OR10T2: variants seen among roughly 807,000 people sequenced by gnomAD.
The protein encoded by OR10T2 is olfactory receptor 10T2.
For missense variants in OR10T2, 416 were observed against 372.3 expected, an observed-to-expected ratio of 1.12 and a Z score of -0.97; for synonymous variants, 162 against 144.1, an observed-to-expected ratio of 1.12 and a Z score of -0.89.
Position 158,399,090 on chromosome 1 carries a change from G to T in OR10T2, c.377C>A (p.Ala126Glu). ...TGTGTACCTCAGAGGGTGACAAATT[G>T]CTACATAGCGATCATATCCCATCAC... The part of the protein sequence containing the change: ...IAVMGYDRYV[A>E]ICHPLRYTLI... The change falls in exon 1 of 1, where the codon GCA becomes GAA. Residue 126 changes from alanine (A) to glutamate (E), a missense_variant. By Grantham distance (107) the Ala-to-Glu change is moderately radical. Coordinates refer to ENST00000334438, the MANE Select transcript of OR10T2 (RefSeq NM_001004475.1). The T allele has an allele frequency of 6.2e-7, 1 of 1,614,100 alleles. No homozygotes were observed. Among genetic ancestry groups the T allele is most frequent in the Non-Finnish European group, 8.5e-7 (1 of 1,180,014 alleles).
At position 158,399,114 on chromosome 1, in the gene OR10T2, A is replaced by C. The variant is rs1426185713; in HGVS notation, c.353T>G (p.Val118Gly). Residue 118 changes from valine (V) to glycine (G), a missense_variant, in exon 1 of 1, where the codon GTG (valine) becomes GGG (glycine). Transcript: ENST00000334438. The part of the protein sequence containing the change: ...FACTNCLLIA[V>G]MGYDRYVAIC... ...TGCTACATAGCGATCATATCCCATCACAGCAATGAGGAGGCAGTTGGTGCA... is the reference window on the plus strand; with the variant it reads ...TGCTACATAGCGATCATATCCCATCCCAGCAATGAGGAGGCAGTTGGTGCA... The C allele has an allele frequency of 1.2e-6, 2 of 1,614,190 alleles. No individual in the cohort carries two copies. The highest frequency in any genetic ancestry group is 1.7e-6 in the Non-Finnish European group (2 of 1,180,028).
chr1:158,398,932 A>T lies in OR10T2; in HGVS notation c.535T>A (p.Phe179Ile). 1 of 1,614,026 alleles carries T rather than the reference A, an allele frequency of 6.2e-7. No homozygotes were observed. ...FCGPNRVNHY[F>I]CDMAPVIKLA... The stretch of plus-strand genomic sequence containing the variant: ...TTGATAACAGGTGCCATGTCACAGA[A>T]ATAGTGGTTAACCCTGTTGGGGCCA... The change falls in exon 1 of 1, where the codon TTC becomes ATC. Residue 179 changes from phenylalanine (F) to isoleucine (I), a missense_variant. Phe to Ile is a conservative substitution (Grantham distance 21). Transcript: ENST00000334438.
chr1:158,399,438 A>T lies in OR10T2; in HGVS notation c.29T>A (p.Val10Asp), dbSNP rs1654751557. 6.2e-7 allele frequency: 1 copy of T among 1,608,878 alleles called. No individual in the cohort carries two copies. The highest frequency in any genetic ancestry group is 1.3e-5 in the African/African-American group (1 of 74,794). The part of the protein sequence containing the change: MRGFNKTTV[V>D]TQFILVGFSS... ...GAAACCCACCAGGATGAACTGTGTA[A>T]CCACAGTGGTTTTGTTGAAACCTCG... The change falls in exon 1 of 1, where the codon GTT becomes GAT. Residue 10 changes from valine to aspartate, a missense_variant. Physicochemically the swap from Val to Asp is radical, Grantham distance 152. Transcript: ENST00000334438.
chr1:158,399,099 C>T lies in OR10T2; in HGVS notation c.368G>A (p.Arg123His), dbSNP rs772691278. 22 of 1,613,942 alleles carry T rather than the reference C, an allele frequency of 1.4e-5. No homozygotes were observed. Among genetic ancestry groups the T allele is most frequent in the African/African-American group, 2.7e-5 (2 of 74,884 alleles). Reference sequence around the variant, plus strand: ...CAGAGGGTGACAAATTGCTACATAGCGATCATATCCCATCACAGCAATGAG... The same window carrying T: ...CAGAGGGTGACAAATTGCTACATAGTGATCATATCCCATCACAGCAATGAG... ...CLLIAVMGYD[R>H]YVAICHPLRY... is the part of the protein sequence containing the mutation. The change falls in exon 1 of 1, where the codon CGC (arginine) becomes CAC (histidine). Residue 123 changes from arginine (R) to histidine (H), a missense_variant. Coordinates refer to ENST00000334438, the MANE Select transcript of OR10T2 (RefSeq NM_001004475.1).
Position 158,399,334 on chromosome 1 carries a change from T to C in OR10T2, c.133A>G (p.Thr45Ala), listed in dbSNP as rs774737867. The change falls in exon 1 of 1, where the codon ACC becomes GCC. Residue 45 changes from threonine to alanine, a missense_variant. Thr to Ala is a moderately conservative substitution (Grantham distance 58). Transcript: ENST00000334438. ...LYLTILVANV[T>A]IMAVIRFSWT... ...CTGAAGCGAATAACGGCCATGATGGTCACATTGGCCACCAGGATTGTCAAG... is the reference window on the plus strand; with the variant it reads ...CTGAAGCGAATAACGGCCATGATGGCCACATTGGCCACCAGGATTGTCAAG... The C allele has an allele frequency of 6.2e-7, 1 of 1,613,778 alleles. No individual in the cohort carries two copies. The highest frequency in any genetic ancestry group is 1.7e-5 in the Admixed American group (1 of 60,010).
chr1:158,398,889 G>T lies in OR10T2; in HGVS notation c.578C>A (p.Thr193Asn), dbSNP rs140067092. The change falls in exon 1 of 1, where the codon ACC (threonine) becomes AAC (asparagine). Residue 193 changes from threonine to asparagine, a missense_variant. By Grantham distance (65) the Thr-to-Asn change is moderately conservative. Transcript: ENST00000334438. The part of the protein sequence containing the change: ...APVIKLACTD[T>N]HVKELALFSL... ...AAATAAAGCCAGCTCTTTCACATGG[G>T]TGTCAGTGCAGGCTAACTTGATAAC... is the stretch of plus-strand genomic sequence containing the variant. The T allele has an allele frequency of 8.0e-4, 1,290 of 1,614,090 alleles. 4 individuals carry two copies. The highest frequency in any genetic ancestry group is 1.7e-3 in the Middle Eastern group (10 of 6,060).
In OR10T2 at chr1:158,399,043, C is replaced by T; in HGVS notation, c.424G>A (p.Gly142Arg). Residue 142 changes from glycine to arginine, a missense_variant, in exon 1 of 1, where the codon GGG becomes AGG. Gly to Arg is a moderately radical substitution (Grantham distance 125). Coordinates refer to ENST00000334438, the MANE Select transcript of OR10T2 (RefSeq NM_001004475.1). The part of the protein sequence containing the change: ...RYTLIINKRL[G>R]LELISLSGAT... ...CCTGAGAGAGAAATCAACTCCAACC[C>T]CAGCCTTTTGTTTATGATGAGTGTG... The T allele has an allele frequency of 6.2e-7, 1 of 1,614,166 alleles. No homozygotes were observed. Among genetic ancestry groups the T allele is most frequent in the African/African-American group, 1.3e-5 (1 of 75,028 alleles).
At position 158,398,919 on chromosome 1, in the gene OR10T2, G is replaced by A; in HGVS notation, c.548C>T (p.Ala183Val). 6.2e-7 allele frequency: 1 copy of A among 1,613,936 alleles called. No individual in the cohort carries two copies. Among genetic ancestry groups the A allele is most frequent in the South Asian group, 1.1e-5 (1 of 91,072 alleles). Residue 183 changes from alanine (A) to valine (V), a missense_variant, in exon 1 of 1, where the codon GCA (alanine) becomes GTA (valine). Ala to Val is a moderately conservative substitution (Grantham distance 64). Transcript: ENST00000334438. Reference sequence around the variant, plus strand: ...AGTGCAGGCTAACTTGATAACAGGTGCCATGTCACAGAAATAGTGGTTAAC... The same window carrying A: ...AGTGCAGGCTAACTTGATAACAGGTACCATGTCACAGAAATAGTGGTTAAC... ...NRVNHYFCDMAPVIKLACTDT... is the reference protein window; with the variant it reads ...NRVNHYFCDMVPVIKLACTDT...
Position 158,398,820 on chromosome 1 carries a change from A to C in OR10T2, c.647T>G (p.Leu216Arg). 1.9e-6 allele frequency: 3 copies of C among 1,614,186 alleles called. No individual in the cohort carries two copies. Among genetic ancestry groups the C allele is most frequent in the Non-Finnish European group, 2.5e-6 (3 of 1,180,022 alleles). The change falls in exon 1 of 1, where the codon CTC becomes CGC. Residue 216 changes from leucine to arginine, a missense_variant. Coordinates refer to ENST00000334438, the MANE Select transcript of OR10T2 (RefSeq NM_001004475.1). The part of the protein sequence containing the change: ...LVIMVPFLLI[L>R]ISYGFIVNTI... ...GTTAACTATGAAGCCATAGGATATG[A>C]GAATTAACAGAAAAGGCACCATAAT...
In OR10T2 at chr1:158,399,344, C is replaced by A; in HGVS notation, c.123G>T (p.Val41=). Residue 41 remains valine (V), a synonymous_variant, in exon 1 of 1, where the codon GTG becomes GTT. Transcript: ENST00000334438. ...IFLLLYLTIL[V]ANVTIMAVIR... is the part of the protein sequence containing the mutation. ...TAACGGCCATGATGGTCACATTGGC[C>A]ACCAGGATTGTCAAGTATAGGAGAA... is the stretch of plus-strand genomic sequence containing the variant. 6.2e-7 allele frequency: 1 copy of A among 1,614,002 alleles called. No homozygotes were observed. Among genetic ancestry groups the A allele is most frequent in the Non-Finnish European group, 8.5e-7 (1 of 1,179,974 alleles).
At position 158,398,685 on chromosome 1, in the gene OR10T2, C is replaced by T. The variant is rs761365250; in HGVS notation, c.782G>A (p.Arg261Gln). ...GTCTGAGGCAGACTTGGACTTGGGCCGCAGATAGATGATAGAGGCACAGCC... is the reference window on the plus strand; with the variant it reads ...GTCTGAGGCAGACTTGGACTTGGGCTGCAGATAGATGATAGAGGCACAGCC... ...HYGCASIIYL[R>Q]PKSKSASDKD... is the part of the protein sequence containing the mutation. The change falls in exon 1 of 1, where the codon CGG becomes CAG. Residue 261 changes from arginine to glutamine, a missense_variant. Coordinates refer to ENST00000334438, the MANE Select transcript of OR10T2 (RefSeq NM_001004475.1). 1.4e-5 allele frequency: 23 copies of T among 1,613,872 alleles called. No individual in the cohort carries two copies. The highest frequency in any genetic ancestry group is 5.5e-5 in the South Asian group (5 of 91,076).
chr1:158,399,415 A>C lies in OR10T2; in HGVS notation c.52T>G (p.Phe18Val), dbSNP rs142462334. 327 of 1,613,948 alleles carry C rather than the reference A, an allele frequency of 2.0e-4. No individual in the cohort carries two copies. The highest frequency in any genetic ancestry group is 2.5e-4 in the Non-Finnish European group (300 of 1,179,994). ...TVVTQFILVG[F>V]SSLGELQLLL... ...AGCTGGAGCTCCCCCAGGCTGGAGAAACCCACCAGGATGAACTGTGTAACC... is the reference window on the plus strand; with the variant it reads ...AGCTGGAGCTCCCCCAGGCTGGAGACACCCACCAGGATGAACTGTGTAACC... The change falls in exon 1 of 1, where the codon TTC becomes GTC. Residue 18 changes from phenylalanine (F) to valine (V), a missense_variant. Physicochemically the swap from Phe to Val is conservative, Grantham distance 50. Transcript: ENST00000334438.
chr1:158,398,602 C>T lies in OR10T2; in HGVS notation c.865G>A (p.Val289Ile), dbSNP rs61818748. The T allele has an allele frequency of 0.065, 105,436 of 1,613,442 alleles. 4,007 individuals are homozygous for T. Among genetic ancestry groups the T allele is most frequent in the Non-Finnish European group, 0.077 (91,321 of 1,179,496 alleles). The change falls in exon 1 of 1, where the codon GTC (valine) becomes ATC (isoleucine). Residue 289 changes from valine to isoleucine, a missense_variant. Physicochemically the swap from Val to Ile is conservative, Grantham distance 29. Transcript: ENST00000334438. Reference sequence around the variant, plus strand: ...ACCTCTTTGTTCCTCAGACTGTAGACAAGAGGATTAAGTAAGGGAGTAACC... The same window carrying T: ...ACCTCTTTGTTCCTCAGACTGTAGATAAGAGGATTAAGTAAGGGAGTAACC... ...TVVTPLLNPL[V>I]YSLRNKEVKT... is the part of the protein sequence containing the mutation.
chr1:158,399,054 TTTA>T lies in OR10T2; in HGVS notation c.410_412del (p.Ile137del), dbSNP rs1410049172. The T allele has an allele frequency of 1.9e-6, 3 of 1,614,036 alleles. No individual in the cohort carries two copies. The African/African-American group carries it at 4.0e-5, about 22-fold the overall frequency. On this transcript the variant is annotated inframe_deletion, in exon 1 of 1. Transcript: ENST00000334438. ...AATCAACTCCAACCCCAGCCTTTTG[TTTA>T]TGATGAGTGTGTACCTCAGAGGGTG... is the stretch of plus-strand genomic sequence containing the variant.
In OR10T2 at chr1:158,399,463, G is replaced by T. The variant is rs1654752859; in HGVS notation, c.4C>A (p.Arg2=). 2.5e-6 allele frequency: 4 copies of T among 1,589,226 alleles called. No homozygotes were observed. The highest frequency in any genetic ancestry group is 3.4e-6 in the Non-Finnish European group (4 of 1,165,510). ...ACCACAGTGGTTTTGTTGAAACCTC[G>T]CATCTGAAGAACTTCTTTCTGTGAA... The part of the protein sequence containing the change: M[R]GFNKTTVVTQ... The change falls in exon 1 of 1, where the codon CGA becomes AGA. Residue 2 remains arginine (R), a synonymous_variant. Coordinates refer to ENST00000334438, the MANE Select transcript of OR10T2 (RefSeq NM_001004475.1).
In OR10T2 at chr1:158,399,431, CTG is replaced by C; in HGVS notation, c.34_35del (p.Gln12ValfsTer59). The C allele has an allele frequency of 6.2e-7, 1 of 1,613,434 alleles. No individual in the cohort carries two copies. The highest frequency in any genetic ancestry group is 8.5e-7 in the Non-Finnish European group (1 of 1,179,726). On this transcript the variant is annotated frameshift_variant, in exon 1 of 1. Transcript: ENST00000334438. LOFTEE classifies it low-confidence loss of function (END_TRUNC). ...RGFNKTTVVTQFILVGFSSLG... is the reference protein window; with the variant it reads ...RGFNKTTVVTXFILVGFSSLG... The stretch of plus-strand genomic sequence containing the variant: ...GGCTGGAGAAACCCACCAGGATGAA[CTG>C]TGTAACCACAGTGGTTTTGTTGAAA...
chr1:158,398,727 A>G lies in OR10T2; in HGVS notation c.740T>C (p.Val247Ala). Reference protein sequence around the residue: ...AFVTCASHLTVVFVHYGCASI... With the variant: ...AFVTCASHLTAVFVHYGCASI... ...GGCACAGCCATAGTGGACAAAGACC[A>G]CAGTGAGATGTGAGGCACAGGTGAC... The change falls in exon 1 of 1, where the codon GTG becomes GCG. Residue 247 changes from valine (V) to alanine (A), a missense_variant. Val to Ala is a moderately conservative substitution (Grantham distance 64). Transcript: ENST00000334438. 6.2e-7 allele frequency: 1 copy of G among 1,614,098 alleles called. No individual in the cohort carries two copies. The highest frequency in any genetic ancestry group is 1.1e-5 in the South Asian group (1 of 91,080).
In OR10T2 at chr1:158,398,925, T is replaced by A; in HGVS notation, c.542A>T (p.Asp181Val). The stretch of plus-strand genomic sequence containing the variant: ...GGCTAACTTGATAACAGGTGCCATG[T>A]CACAGAAATAGTGGTTAACCCTGTT... ...GPNRVNHYFC[D>V]MAPVIKLACT... Residue 181 changes from aspartate to valine, a missense_variant, in exon 1 of 1, where the codon GAC (aspartate) becomes GTC (valine). Asp to Val is a radical substitution (Grantham distance 152). Coordinates refer to ENST00000334438, the MANE Select transcript of OR10T2 (RefSeq NM_001004475.1). The A allele has an allele frequency of 1.2e-6, 2 of 1,613,984 alleles. No individual in the cohort carries two copies. The highest frequency in any genetic ancestry group is 1.7e-6 in the Non-Finnish European group (2 of 1,179,962).
Position 158,399,404 on chromosome 1 carries a change from C to A in OR10T2, c.63G>T (p.Leu21=). The part of the protein sequence containing the change: ...TQFILVGFSS[L]GELQLLLFVI... ...CAAAAAGCAGCAGCTGGAGCTCCCC[C>A]AGGCTGGAGAAACCCACCAGGATGA... The change falls in exon 1 of 1, where the codon CTG becomes CTT. Residue 21 remains leucine, a synonymous_variant. Coordinates refer to ENST00000334438, the MANE Select transcript of OR10T2 (RefSeq NM_001004475.1). 6.2e-7 allele frequency: 1 copy of A among 1,614,106 alleles called. No individual in the cohort carries two copies. The highest frequency in any genetic ancestry group is 8.5e-7 in the Non-Finnish European group (1 of 1,180,014).
Sources: gnomAD v4.1 joint callset for allele counts on GRCh38, gnomAD v4.1.1 for gene constraint, MANE v1.5 for transcripts, NCBI Gene and HGNC (gene_info 2026-07-23, HGNC 2026-07-21) for gene names.